Variants in MARCHF1 observed in about 807,000 individuals in gnomAD.
MARCHF1 encodes E3 ubiquitin-protein ligase MARCHF1.
MARCHF1 carries 40 observed loss-of-function variants against 54.2 expected under a neutral mutation model. The observed-to-expected ratio is 0.74, with a 90% CI of 0.57 to 0.96. The LOEUF is 0.96. MARCHF1 is among the 40% of genes least tolerant of loss of function. MARCHF1 has a pLI of 0.00. For missense variants in MARCHF1, 586 were observed against 656.5 expected, an observed-to-expected ratio of 0.89 and a Z score of 1.17; for synonymous variants, 236 against 236.3, an observed-to-expected ratio of 1.00 and a Z score of 0.01.
chr4:164,154,182 A>G (rs1052545100), intron 1 of MARCHF1, among the ~76,000 whole-genome samples: 1 of 152,138 alleles, frequency 6.6e-6, no homozygotes, highest in Admixed American at 6.5e-5. Flanking sequence ...TAGCTATTTA[A>G]ATGTAAAAAA....
intron 2 of MARCHF1, among the ~76,000 whole-genome samples, chr4:164,051,511 C>G (rs1051630206): frequency 3.9e-5 from 6 of 152,126 alleles, no homozygotes; most frequent in Admixed American, 3.9e-4. Flanking sequence ...TCTATCTTTT[C>G]TAAATTTGTA....
intron 1 of MARCHF1, among the ~76,000 whole-genome samples, chr4:164,211,295 TACC>T (rs1206024386): frequency 4.5e-5 from 6 of 133,062 alleles, no homozygotes; most frequent in Non-Finnish European, 9.8e-5. Context: ...TATATATATA[TACC>T]ACATTGCAAC....
intron 8 of MARCHF1, among the ~76,000 whole-genome samples, chr4:163,559,417 G>C (rs1015934096): frequency 6.6e-6 from 1 of 152,152 alleles, no homozygotes; most frequent in Non-Finnish European, 1.5e-5. Context: ...AGAAAGGAAG[G>C]TTCCTTTCGA....
At chr4:164,040,359 T>TAC (rs59137795) in intron 2 of MARCHF1, among the ~76,000 whole-genome samples, 1 of 145,904 alleles carries the variant, frequency 6.9e-6, no homozygotes, top group Non-Finnish European at 1.5e-5. Flanking sequence ...TTAGTTCTTA[T>TAC]TAAATACTTA....
At chr4:164,381,981 C>T (rs1192691962) in intron 1 of MARCHF1, among the ~76,000 whole-genome samples, 2 of 152,170 alleles carry the variant, frequency 1.3e-5, no homozygotes, top group Non-Finnish European at 1.5e-5. Context: ...AAAACAAGCT[C>T]TTTGCTCATA....
At chr4:163,633,769 A>G (rs2111003540) in intron 5 of MARCHF1, among the ~76,000 whole-genome samples, 1 of 152,298 alleles carries the variant, frequency 6.6e-6, no homozygotes, top group African/African-American at 2.4e-5. Context: ...CTCCTCGAGA[A>G]GAGCAACTCC....
rs904601937 is a variant in MARCHF1 at position 163,640,112 on chromosome 4, G to T, written c.163-26719C>A. Among the ~76,000 whole-genome samples the T allele has an allele frequency of 5.3e-5, 8 of 152,100 alleles. 1 individual carries two copies. The highest frequency in any genetic ancestry group is 1.9e-4 in the African/African-American group (8 of 41,438). Reference sequence around the variant, plus strand: ...GAAGCAAGAAGACCTGGATTTACTAGGTTAGATGATTACACATTAAAAAGC... The same window carrying T: ...GAAGCAAGAAGACCTGGATTTACTATGTTAGATGATTACACATTAAAAAGC... On this transcript the variant is annotated intron_variant, in intron 5 of 9. Transcript: ENST00000514618.
At chr4:164,163,235 A>C (rs1242012427) in intron 1 of MARCHF1, among the ~76,000 whole-genome samples, 1 of 151,986 alleles carries the variant, frequency 6.6e-6, no homozygotes, top group African/African-American at 2.4e-5. Flanking sequence ...TAAAAATAAG[A>C]CTCTATAAAA....
chr4:163,718,759 T>A (rs1022471678), intron 4 of MARCHF1, among the ~76,000 whole-genome samples: 1 of 152,196 alleles, frequency 6.6e-6, no homozygotes, highest in African/African-American at 2.4e-5. Context: ...GCCTAGAACA[T>A]TACAAATGTG....
Position 164,290,337 on chromosome 4 carries a change from C to T in MARCHF1, c.-323+93533G>A, listed in dbSNP as rs181334821. Among the ~76,000 whole-genome samples, 15 of 151,996 alleles carry T rather than the reference C, an allele frequency of 9.9e-5. No homozygotes were observed. In the East Asian group the frequency reaches 2.3e-3, roughly 23 times the overall value. On this transcript the variant is annotated intron_variant, in intron 1 of 9. Coordinates refer to ENST00000514618, the MANE Select transcript of MARCHF1 (RefSeq NM_001394959.1). ...TTAATTATAACATTATTTGAAATTT[C>T]ATCAATTGAAACAAACAAAAAGACA...
intron 1 of MARCHF1, among the ~76,000 whole-genome samples, chr4:164,178,689 A>G (rs1041154288): frequency 6.6e-6 from 1 of 152,112 alleles, no homozygotes; most frequent in Non-Finnish European, 1.5e-5. Flanking sequence ...CCATATTTGG[A>G]TGGGTTCGTG....
intron 1 of MARCHF1, among the ~76,000 whole-genome samples, chr4:164,141,870 C>T (rs12512159): frequency 0.38 from 57,128 of 152,032 alleles, 12,121 homozygotes; most frequent in Non-Finnish European, 0.49. Context: ...GCGTGAGCAA[C>T]GCAGAAGACC....
intron 3 of MARCHF1, among the ~76,000 whole-genome samples, chr4:163,974,532 A>G (rs981926121): frequency 6.6e-6 from 1 of 152,212 alleles, no homozygotes; most frequent in Non-Finnish European, 1.5e-5. Context: ...GGAATCATGG[A>G]ATAGTGAAAA....
At chr4:163,929,918 AAT>A (rs1204182762) in intron 3 of MARCHF1, among the ~76,000 whole-genome samples, 2 of 107,560 alleles carry the variant, frequency 1.9e-5, no homozygotes, top group African/African-American at 3.5e-5. Context: ...AAATATATAT[AAT>A]ATATATAATA....
At chr4:163,641,966 T>G (rs1742570110) in intron 5 of MARCHF1, among the ~76,000 whole-genome samples, 1 of 152,104 alleles carries the variant, frequency 6.6e-6, no homozygotes, top group Non-Finnish European at 1.5e-5. Flanking sequence ...AGTGGAGACG[T>G]TGTGTTACTA....
chr4:164,227,082 G>T (rs1292811715), intron 1 of MARCHF1, among the ~76,000 whole-genome samples: 2 of 152,044 alleles, frequency 1.3e-5, no homozygotes, highest in Admixed American at 1.3e-4. Flanking sequence ...CAAGAAGGTT[G>T]AATTAGTCTA....
intron 3 of MARCHF1, among the ~76,000 whole-genome samples, chr4:163,941,307 G>A (rs952153833): frequency 1.3e-5 from 2 of 152,060 alleles, no homozygotes; most frequent in Non-Finnish European, 2.9e-5. Flanking sequence ...GAAGGTGTTA[G>A]GATTGAGCTA....
intron 1 of MARCHF1, among the ~76,000 whole-genome samples, chr4:164,199,211 G>A (rs1420124684): frequency 6.6e-6 from 1 of 152,130 alleles, no homozygotes; most frequent in African/African-American, 2.4e-5. Context: ...GTTTCGTTCT[G>A]TACACCCTTA....
chr4:164,257,920 A>G (rs1733339389), intron 1 of MARCHF1, among the ~76,000 whole-genome samples: 2 of 152,234 alleles, frequency 1.3e-5, no homozygotes, highest in South Asian at 4.1e-4. Flanking sequence ...CCAAAGGAAT[A>G]TAAGTCATTC....
Sources: allele counts gnomAD v4.1 joint callset (sites outside exome capture counted in the v4.1 genomes callset), GRCh38; gene constraint gnomAD v4.1.1; transcripts MANE v1.5; gene names NCBI Gene and HGNC (gene_info 2026-07-23, HGNC 2026-07-21).